Variants in CCSER2 observed in about 807,000 individuals in gnomAD.
CCSER2 encodes the protein coiled-coil serine rich protein 2.
In CCSER2, 46 loss-of-function variants were observed where a neutral mutation model predicts 92.3. The observed-to-expected ratio is 0.50, with a 90% CI of 0.39 to 0.64. The LOEUF is 0.64. CCSER2 is among the 30% of genes least tolerant of loss of function. The pLI, the probability that CCSER2 is intolerant of heterozygous loss-of-function variation, is 0.00. For missense variants in CCSER2, 1,244 were observed against 1,238.9 expected (o/e 1.00, Z -0.06); for synonymous variants, 433 against 431.4 (o/e 1.00, Z -0.04).
At chr10:84,374,214 G>A (rs1846212369) in intron 3 of CCSER2, among the ~76,000 whole-genome samples, 1 of 152,094 alleles carries the variant, frequency 6.6e-6, no homozygotes, top group Non-Finnish European at 1.5e-5. Context: ...CAGTCCACAA[G>A]ACAGAGACCA....
At chr10:84,394,962 G>C (rs536801136) in intron 3 of CCSER2, among the ~76,000 whole-genome samples, 1 of 152,042 alleles carries the variant, frequency 6.6e-6, no homozygotes, top group Non-Finnish European at 1.5e-5. Flanking sequence ...GGTGGATCAT[G>C]CCTGTAATTC....
At chr10:84,503,750 C>T (rs1848895553) in intron 9 of CCSER2, among the ~76,000 whole-genome samples, 1 of 152,094 alleles carries the variant, frequency 6.6e-6, no homozygotes, top group African/African-American at 2.4e-5. Flanking sequence ...TTTTACCTTC[C>T]ATGTGCAGTG....
At chr10:84,356,670 G>A (rs991869950) in intron 1 of CCSER2, among the ~76,000 whole-genome samples, 1 of 152,104 alleles carries the variant, frequency 6.6e-6, no homozygotes, top group Admixed American at 6.6e-5. Context: ...GGAAGAGATC[G>A]GTTTCTTCAT....
chr10:84,485,271 T>G (rs779027298), intron 9 of CCSER2, among the ~76,000 whole-genome samples: 2 of 152,206 alleles, frequency 1.3e-5, no homozygotes, highest in Non-Finnish European at 2.9e-5. Flanking sequence ...ACTGTGCCAT[T>G]TTATAACTTG....
intron 3 of CCSER2, among the ~76,000 whole-genome samples, chr10:84,406,405 A>G (rs1842379660): frequency 1.3e-5 from 2 of 152,348 alleles, no homozygotes; most frequent in Admixed American, 6.5e-5. Flanking sequence ...AATTAATTTT[A>G]CAGTGTAATT....
chr10:84,436,282 C>G (rs1434099508), intron 5 of CCSER2, among the ~76,000 whole-genome samples: 1 of 132,670 alleles, frequency 7.5e-6, no homozygotes, highest in Non-Finnish European at 1.5e-5. Context: ...GCCGAGATCA[C>G]GCCACTGCAC....
chr10:84,480,472 G>A, intron 9 of CCSER2, among the ~76,000 whole-genome samples: 1 of 152,228 alleles, frequency 6.6e-6, no homozygotes, highest in South Asian at 2.1e-4. Flanking sequence ...ATTAAATTAT[G>A]TAAGTCATTT....
At chr10:84,398,856 G>C (rs1022912169) in intron 3 of CCSER2, among the ~76,000 whole-genome samples, 1 of 151,954 alleles carries the variant, frequency 6.6e-6, no homozygotes, top group Non-Finnish European at 1.5e-5. Context: ...ACAGAGCCTT[G>C]TTCTGTTTTC....
intron 1 of CCSER2, among the ~76,000 whole-genome samples, chr10:84,358,092 T>G (rs929739453): frequency 2.6e-5 from 4 of 152,226 alleles, no homozygotes; most frequent in Non-Finnish European, 5.9e-5. Flanking sequence ...TACAGTGGTT[T>G]GGAAGACATA....
At chr10:84,440,084 T>C (rs10749489) in intron 6 of CCSER2, among the ~76,000 whole-genome samples, 130,082 of 152,112 alleles carry the variant, frequency 0.86, 55,697 homozygotes, top group East Asian at 0.9. Flanking sequence ...ACCAGGCCAC[T>C]TCTAATAATG....
chr10:84,372,622 C>T (rs543099684), intron 2 of CCSER2, among the ~76,000 whole-genome samples, 153 bp downstream of exon 2: 21 of 152,086 alleles, frequency 1.4e-4, no homozygotes, highest in Non-Finnish European at 3.1e-4. Context: ...GTTTATTTTC[C>T]TGTGACTTTT....
chr10:84,483,953 T>TTATATATA (rs57427963), intron 9 of CCSER2, among the ~76,000 whole-genome samples: 91 of 47,984 alleles, frequency 1.9e-3, no homozygotes, highest in East Asian at 0.011. Context: ...CCCGGCTAAT[T>TTATATATA]TATATATATA....
intron 3 of CCSER2, chr10:84,389,558 G>T: frequency 4.1e-6 from 1 of 244,566 alleles, no homozygotes; most frequent in South Asian, 4.2e-5. Flanking sequence ...ATGTGGCATT[G>T]ACTTTACCTC....
At chr10:84,483,353 A>T (rs1316060512) in intron 9 of CCSER2, among the ~76,000 whole-genome samples, 2 of 151,232 alleles carry the variant, frequency 1.3e-5, no homozygotes, top group Non-Finnish European at 2.9e-5. Context: ...AGATTGCACA[A>T]TTGCACTCCA....
At chr10:84,474,359 G>C (rs1363434057) in intron 8 of CCSER2, among the ~76,000 whole-genome samples, 2 of 152,030 alleles carry the variant, frequency 1.3e-5, no homozygotes, top group African/African-American at 4.8e-5. Context: ...TTCTGTTAGA[G>C]GATAATAAAA....
At chr10:84,464,506 A>G (rs1207479075) in intron 7 of CCSER2, among the ~76,000 whole-genome samples, 1 of 152,138 alleles carries the variant, frequency 6.6e-6, no homozygotes, top group Non-Finnish European at 1.5e-5. Context: ...CTATTTAAGC[A>G]CATATTTATT....
chr10:84,468,786 A>T (rs1038686518), intron 7 of CCSER2, among the ~76,000 whole-genome samples: 1 of 151,478 alleles, frequency 6.6e-6, no homozygotes. Context: ...CATTTCTTTC[A>T]TATAGATTCC....
chr10:84,447,149 A>T (rs1386905218), intron 6 of CCSER2, among the ~76,000 whole-genome samples: 1 of 152,164 alleles, frequency 6.6e-6, no homozygotes, highest in Non-Finnish European at 1.5e-5. Context: ...GAAGCATGGA[A>T]ATAGTTTACC....
intron 1 of CCSER2, among the ~76,000 whole-genome samples, chr10:84,361,074 T>C (rs1845475742): frequency 6.6e-6 from 1 of 152,136 alleles, no homozygotes; most frequent in African/African-American, 2.4e-5. Context: ...TGAGAGGGTT[T>C]GTGTTTGTTC....
Sources: allele counts gnomAD v4.1 joint callset (sites outside exome capture counted in the v4.1 genomes callset), GRCh38; gene constraint gnomAD v4.1.1; transcripts MANE v1.5; gene names NCBI Gene and HGNC (gene_info 2026-07-23, HGNC 2026-07-21).